Variants in ASPSCR1 observed in about 807,000 individuals in gnomAD.
ASPSCR1 encodes the protein ASPSCR1 tether for SLC2A4, UBX domain containing.
A neutral mutation model predicts 68.9 loss-of-function variants in ASPSCR1; 55 were observed. The observed-to-expected ratio is 0.80, with a 90% CI of 0.64 to 1.00. The LOEUF (loss-of-function observed/expected upper bound fraction) is 1.00, where lower values mean the gene tolerates loss of function less well. ASPSCR1 is among the 50% of genes least tolerant of loss of function. ASPSCR1 has a pLI of 0.00. For synonymous variants in ASPSCR1, 352 were observed against 332.6 expected, an observed-to-expected ratio of 1.06 and a Z score of -0.63; for missense variants, 765 against 762.2, an observed-to-expected ratio of 1.00 and a Z score of -0.04.
intron 9 of ASPSCR1, chr17:82,010,083 T>A (rs1459879689): frequency 3.9e-5 from 11 of 283,674 alleles, no homozygotes; most frequent in Non-Finnish European, 7.6e-5. Flanking sequence ...GGCTAATTTT[T>A]GTTGTTTTTT....
chr17:82,010,929 C>A, intron 10 of ASPSCR1, 61 bp downstream of exon 10: 1 of 1,571,696 alleles, frequency 6.4e-7, no homozygotes, highest in Non-Finnish European at 8.7e-7. Flanking sequence ...CCTCTCCCGG[C>A]TCCTTCCTTC....
In ASPSCR1 at chr17:82,016,842, C is replaced by T. The variant is rs2043145692; in HGVS notation, c.1448C>T (p.Pro483Leu). 2 of 1,612,058 alleles carry T rather than the reference C, an allele frequency of 1.2e-6. No homozygotes were observed. Among genetic ancestry groups the T allele is most frequent in the South Asian group, 2.2e-5 (2 of 91,074 alleles). Residue 483 changes from proline to leucine, a missense_variant, in exon 14 of 16, where the codon CCA (proline) becomes CTA (leucine). Pro to Leu is a moderately conservative substitution (Grantham distance 98, BLOSUM62 -3). Transcript: ENST00000306739. Reference protein sequence around the residue: ...EPGLLEHAISPSAADVLVARY... With the variant: ...EPGLLEHAISLSAADVLVARY... The stretch of plus-strand genomic sequence containing the variant: ...GGCCTGCTGGAGCATGCCATCTCCC[C>T]ATCTGCGGCCGATGTGCTGGTGGCC...
chr17:81,983,682 TG>T lies in ASPSCR1; in HGVS notation c.273+19del. The T allele has an allele frequency of 6.3e-7, 1 of 1,581,124 alleles. No homozygotes were observed. The highest frequency in any genetic ancestry group is 1.1e-5 in the South Asian group (1 of 88,774). Reference sequence around the variant, plus strand: ...CCTGAGAACATGGTGGGTCGTGCTCTGGGGGAGGCTGACTGTGTGGGGCACA... The same window carrying T: ...CCTGAGAACATGGTGGGTCGTGCTCTGGGGAGGCTGACTGTGTGGGGCACA... On this transcript the variant is annotated intron_variant, in intron 3 of 15. Transcript: ENST00000306739. This position sits in a 1 kb window ranked among gnomAD's most constrained non-coding sequence, Gnocchi z 4.4.
chr17:82,017,114 G>C lies in ASPSCR1; in HGVS notation c.1648+1G>C, dbSNP rs749744839. 6.3e-7 allele frequency: 1 copy of C among 1,589,668 alleles called. No individual in the cohort carries two copies. Among genetic ancestry groups the C allele is most frequent in the South Asian group, 1.1e-5 (1 of 90,144 alleles). ...GTGCCCAAGTGGCTGAAGCTGCCGGGTACTGCGGCTGGGTGGAAGGTGGGG... is the reference window on the plus strand; with the variant it reads ...GTGCCCAAGTGGCTGAAGCTGCCGGCTACTGCGGCTGGGTGGAAGGTGGGG... On this transcript the variant is annotated splice_donor_variant, in intron 15 of 15. Transcript: ENST00000306739. LOFTEE classifies it high-confidence loss of function.
Position 81,977,999 on chromosome 17 carries a change from G to C in ASPSCR1, c.102+251G>C, listed in dbSNP as rs979696669. On this transcript the variant is annotated intron_variant, in intron 1 of 15. Transcript: ENST00000306739. This position sits in a 1 kb window ranked among gnomAD's most constrained non-coding sequence, Gnocchi z 5.0. ...CAGGGGTGAGGTAGAACGGCGCCGC[G>C]TGTCACCCGCATCGAGTACTCGGCG... 7.5e-6 allele frequency: 2 copies of C among 267,338 alleles called. No individual in the cohort carries two copies. The highest frequency in any genetic ancestry group is 7.0e-6 in the Non-Finnish European group (1 of 143,318). The allele number at this position is 267,338 out of a possible 1,614,324, so 16.6% of individuals were successfully genotyped here.
chr17:81,978,923 G>A, intron 1 of ASPSCR1: 1 of 559,870 alleles, frequency 1.8e-6, no homozygotes, highest in Non-Finnish European at 3.2e-6. Flanking sequence ...TGCCCGTGTT[G>A]CTGTACTGCA....
rs2041853436 is a variant in ASPSCR1 at position 81,983,258 on chromosome 17, T to C, written c.159-296T>C. 6.6e-6 allele frequency among the ~76,000 whole-genome samples: 1 copy of C among 152,144 alleles called. No homozygotes were observed. The highest frequency in any genetic ancestry group is 1.5e-5 in the Non-Finnish European group (1 of 68,022). ...TCGTTCTCTCTGTGTTTTCCGAGCG[T>C]CTGCACTGGGGCTGTCAGCACCCCA... On this transcript the variant is annotated intron_variant, in intron 2 of 15. Coordinates refer to ENST00000306739, the MANE Select transcript of ASPSCR1 (RefSeq NM_024083.4). This position sits in a 1 kb window ranked among gnomAD's most constrained non-coding sequence, Gnocchi z 4.4.
rs1242377960 is a variant in ASPSCR1 at position 82,016,783 on chromosome 17, C to A, written c.1406-17C>A. On this transcript the variant is annotated splice_polypyrimidine_tract_variant and intron_variant, in intron 13 of 15. Coordinates refer to ENST00000306739, the MANE Select transcript of ASPSCR1 (RefSeq NM_024083.4). The stretch of plus-strand genomic sequence containing the variant: ...CCCCTCCTCAGAGGCTCAGGGTGAG[C>A]TTGGGCCTCCCTGCAGGTGTCTACC... 2.0e-5 allele frequency: 32 copies of A among 1,606,518 alleles called. No individual in the cohort carries two copies. The highest frequency in any genetic ancestry group is 2.4e-5 in the Non-Finnish European group (28 of 1,179,284).
At chr17:82,002,003 C>CTTTT (rs71166183) in intron 7 of ASPSCR1, among the ~76,000 whole-genome samples, 18 of 93,812 alleles carry the variant, frequency 1.9e-4, no homozygotes, top group Non-Finnish European at 2.6e-4. Context: ...TTTCTTTTTC[C>CTTTT]TTTTTTTTTT....
At chr17:82,012,362 G>A in intron 12 of ASPSCR1, 79 bp downstream of exon 12, 1 of 1,497,418 alleles carries the variant, frequency 6.7e-7, no homozygotes, top group Non-Finnish European at 9.2e-7. Context: ...GCCTCGGGCA[G>A]GAAGGAGGGG....
chr17:82,010,070 C>G (rs1482891803), intron 9 of ASPSCR1: 1 of 333,460 alleles, frequency 3.0e-6, no homozygotes, highest in Non-Finnish European at 5.9e-6. Flanking sequence ...CTACCACTAG[C>G]TCGGCTAATT....
At chr17:82,009,423 G>T in intron 8 of ASPSCR1, 63 bp from the exon 9 acceptor site, 1 of 1,489,926 alleles carries the variant, frequency 6.7e-7, no homozygotes, top group Admixed American at 2.1e-5. Flanking sequence ...TGAGGAGCCC[G>T]GGGCCTGTTG....
At chr17:81,984,293 G>A (rs905908011) in intron 3 of ASPSCR1, among the ~76,000 whole-genome samples, 12 of 152,250 alleles carry the variant, frequency 7.9e-5, no homozygotes, top group Non-Finnish European at 1.5e-4. Flanking sequence ...AGCCGAAAGC[G>A]CTGCATGGAT....
At chr17:82,015,683 G>C (rs2043100768) in intron 12 of ASPSCR1, 1 of 366,030 alleles carries the variant, frequency 2.7e-6, no homozygotes. Context: ...CCGCAGCCTG[G>C]GTGTGAATCT....
rs528701591 is a variant in ASPSCR1 at position 82,017,120 on chromosome 17, C to T, written c.1648+7C>T. On this transcript the variant is annotated splice_region_variant and intron_variant, in intron 15 of 15. Transcript: ENST00000306739. The stretch of plus-strand genomic sequence containing the variant: ...AAGTGGCTGAAGCTGCCGGGTACTG[C>T]GGCTGGGTGGAAGGTGGGGTGCTGT... 3.1e-5 allele frequency: 49 copies of T among 1,584,028 alleles called. No individual in the cohort carries two copies. Among genetic ancestry groups the T allele is most frequent in the South Asian group, 2.2e-4 (20 of 89,664 alleles).
chr17:81,994,753 C>T, intron 4 of ASPSCR1, 68 bp from the exon 5 acceptor site: 2 of 1,512,046 alleles, frequency 1.3e-6, no homozygotes, highest in Non-Finnish European at 1.8e-6. Flanking sequence ...AGTCTCCTGC[C>T]CCAGGGCCTC....
At position 82,016,821 on chromosome 17, in the gene ASPSCR1, T is replaced by G. The variant is rs757980343; in HGVS notation, c.1427T>G (p.Leu476Arg). ...GCAGGTGTCTACCTGGAGCCTGGCC[T>G]GCTGGAGCATGCCATCTCCCCATCT... Reference protein sequence around the residue: ...EPAGVYLEPGLLEHAISPSAA... With the variant: ...EPAGVYLEPGRLEHAISPSAA... The change falls in exon 14 of 16, where the codon CTG (leucine) becomes CGG (arginine). Residue 476 changes from leucine (L) to arginine (R), a missense_variant. By Grantham distance (102) the Leu-to-Arg change is moderately radical. Coordinates refer to ENST00000306739, the MANE Select transcript of ASPSCR1 (RefSeq NM_024083.4). The G allele has an allele frequency of 6.2e-7, 1 of 1,611,132 alleles. No homozygotes were observed. The highest frequency in any genetic ancestry group is 1.7e-5 in the Admixed American group (1 of 60,012).
At chr17:81,979,445 A>T (rs778090323) in intron 2 of ASPSCR1, among the ~76,000 whole-genome samples, 10 of 152,112 alleles carry the variant, frequency 6.6e-5, no homozygotes, top group Non-Finnish European at 1.5e-4. Flanking sequence ...CCAGCTTCTC[A>T]TGGCTCCAAG....
At chr17:82,006,371 G>C (rs904913783) in intron 7 of ASPSCR1, 1 of 152,296 alleles carries the variant, frequency 6.6e-6, no homozygotes, top group Non-Finnish European at 1.5e-5. Context: ...GCATGTCTGT[G>C]TGTGCACATA....
Sources: allele counts gnomAD v4.1 joint callset (sites outside exome capture counted in the v4.1 genomes callset), GRCh38; gene constraint gnomAD v4.1.1; non-coding constraint Gnocchi (gnomAD v3.1); transcripts MANE v1.5; gene names NCBI Gene and HGNC (gene_info 2026-07-23, HGNC 2026-07-21).